Variants in ICOS observed in about 807,000 individuals in gnomAD.
The protein encoded by ICOS is inducible T cell costimulator, also known as inducible T-cell costimulator.
Under a neutral mutation model 24.6 loss-of-function variants are expected in ICOS, and 15 were observed. The ratio of observed to expected loss-of-function variants is 0.61; its 90% CI spans 0.41 to 0.94. The LOEUF is 0.94. Among genes scored for constraint, ICOS ranks in the 40% least tolerant of loss-of-function variants. ICOS has a pLI of 0.00. For synonymous variants in ICOS, 89 were observed against 77.5 expected, an observed-to-expected ratio of 1.15 and a Z score of -0.78; for missense variants, 200 against 233.0, an observed-to-expected ratio of 0.86 and a Z score of 0.92.
At chr2:203,957,947 A>ATTT (rs5837889) in intron 4 of ICOS, 64 bp downstream of exon 4, 33 of 784,838 alleles carry the variant, frequency 4.2e-5, no homozygotes, top group Non-Finnish European at 4.9e-5. Context: ...TGGAATGTTA[A>ATTT]TTTTTTTTTT....
intron 1 of ICOS, 70 bp downstream of exon 1, chr2:203,936,942 A>G: frequency 1.7e-6 from 2 of 1,196,770 alleles, no homozygotes; most frequent in Non-Finnish European, 2.5e-6. Flanking sequence ...GCAAAGGTAG[A>G]AAAATTACGC....
At chr2:203,957,704 T>A in intron 3 of ICOS, 95 bp from the exon 4 acceptor site, 1 of 909,462 alleles carries the variant, frequency 1.1e-6, no homozygotes, top group Non-Finnish European at 1.8e-6. Context: ...CATGTTTTTG[T>A]CACATACCAC....
At chr2:203,953,601 A>G (rs1363317627) in intron 1 of ICOS, among the ~76,000 whole-genome samples, 1 of 152,234 alleles carries the variant, frequency 6.6e-6, no homozygotes. Flanking sequence ...TAGTGTAAGT[A>G]GAGGTGTGAC....
chr2:203,957,966 TAAAGG>T (rs1690107955), intron 4 of ICOS, 83 bp downstream of exon 4: 1 of 843,806 alleles, frequency 1.2e-6, no homozygotes, highest in Non-Finnish European at 2.0e-6. Context: ...TTTTTAATTT[TAAAGG>T]AAAGGAAAAC....
chr2:203,952,148 C>T (rs931957959), intron 1 of ICOS, among the ~76,000 whole-genome samples: 1 of 151,504 alleles, frequency 6.6e-6, no homozygotes, highest in Non-Finnish European at 1.5e-5. Context: ...AGACTGTCAG[C>T]ACCCCTATTT....
At chr2:203,951,163 A>T (rs1289523349) in intron 1 of ICOS, among the ~76,000 whole-genome samples, 9 of 152,198 alleles carry the variant, frequency 5.9e-5, no homozygotes, top group Admixed American at 5.9e-4. Context: ...AAATTGAGGC[A>T]CGGCATTCCT....
intron 1 of ICOS, among the ~76,000 whole-genome samples, chr2:203,952,072 T>C (rs1434760575): frequency 6.6e-6 from 1 of 152,186 alleles, no homozygotes; most frequent in African/African-American, 2.4e-5. Context: ...AAAAAATGTA[T>C]AATTTAATGA....
Position 203,961,407 on chromosome 2 carries a change from A to G in ICOS, c.*1808A>G. 5.9e-6 allele frequency: 1 copy of G among 170,126 alleles called. No individual in the cohort carries two copies. The highest frequency in any genetic ancestry group is 1.3e-5 in the Non-Finnish European group (1 of 79,094). 10.5% of individuals were successfully genotyped at this position (170,126 alleles called of 1,614,324 possible). On this transcript the variant is annotated 3_prime_UTR_variant, in exon 5 of 5. Transcript: ENST00000316386. ...GGTGGCCCACCTGGCCTGGTTGTCC[A>G]AGCTGTGCCTCGACACATCCTCATC...
intron 1 of ICOS, among the ~76,000 whole-genome samples, chr2:203,938,521 A>G (rs1386566904): frequency 6.6e-6 from 1 of 152,230 alleles, no homozygotes; most frequent in Non-Finnish European, 1.5e-5. Context: ...AGTAGAGGCC[A>G]GACCATTCAG....
At chr2:203,950,283 C>T (rs575115661) in intron 1 of ICOS, among the ~76,000 whole-genome samples, 71 of 152,292 alleles carry the variant, frequency 4.7e-4, no homozygotes, top group Non-Finnish European at 8.4e-4. Context: ...AGGCCCAAGG[C>T]AGTACAGAGG....
intron 1 of ICOS, among the ~76,000 whole-genome samples, chr2:203,942,908 C>T (rs1471760625): frequency 2.0e-5 from 3 of 152,102 alleles, no homozygotes; most frequent in African/African-American, 7.2e-5. Context: ...TGTCTTCAAG[C>T]TCTGAATTTC....
chr2:203,952,678 A>AT (rs978943718), intron 1 of ICOS, among the ~76,000 whole-genome samples: 12 of 152,120 alleles, frequency 7.9e-5, no homozygotes, highest in African/African-American at 2.4e-4. Flanking sequence ...ATCTCAGTGC[A>AT]TTTTTTTGGC....
chr2:203,954,909 T>C (rs1321017806), intron 1 of ICOS, among the ~76,000 whole-genome samples: 1 of 149,754 alleles, frequency 6.7e-6, no homozygotes, highest in African/African-American at 2.4e-5. Flanking sequence ...AAAATATATA[T>C]ACAATTATTC....
Position 203,956,676 on chromosome 2 carries a change from C to T in ICOS, c.412C>T (p.Gln138Ter). ...LHIYESQLCC[Q>*]LKFWLPIGCA... ...CAATCCAGAATCACAACTTTGTTGC[C>T]AGCTGAAGTTCTGGTTACCCATAGG... is the stretch of plus-strand genomic sequence containing the variant. Residue 138 changes from glutamine to a stop codon, truncating the protein, a stop_gained, in exon 3 of 5, where the codon CAG becomes TAG. Coordinates refer to ENST00000316386, the MANE Select transcript of ICOS (RefSeq NM_012092.4). LOFTEE classifies it high-confidence loss of function. The T allele has an allele frequency of 6.2e-7, 1 of 1,612,980 alleles. No homozygotes were observed. The highest frequency in any genetic ancestry group is 1.7e-4 in the Middle Eastern group (1 of 6,054).
intron 1 of ICOS, among the ~76,000 whole-genome samples, chr2:203,939,990 T>C (rs546213394): frequency 1.4e-4 from 21 of 152,316 alleles, no homozygotes; most frequent in Middle Eastern, 6.8e-3. Flanking sequence ...CTTTTTCTCT[T>C]TTATTTTTGT....
intron 1 of ICOS, among the ~76,000 whole-genome samples, chr2:203,955,211 A>T (rs1256686596): frequency 6.6e-6 from 1 of 152,108 alleles, no homozygotes; most frequent in Admixed American, 6.6e-5. Flanking sequence ...CTGATTCTAT[A>T]ATCAAAATTA....
chr2:203,949,173 G>A (rs1476731423), intron 1 of ICOS, among the ~76,000 whole-genome samples: 1 of 152,230 alleles, frequency 6.6e-6, no homozygotes, highest in East Asian at 1.9e-4. Flanking sequence ...ACCAGTTGAA[G>A]CTGAGATGGA....
At chr2:203,952,080 T>C (rs145467911) in intron 1 of ICOS, among the ~76,000 whole-genome samples, 1 of 152,324 alleles carries the variant, frequency 6.6e-6, no homozygotes, top group East Asian at 1.9e-4. Flanking sequence ...TATAATTTAA[T>C]GAATAATGCT....
chr2:203,958,320 A>C (rs1160247835), intron 4 of ICOS, among the ~76,000 whole-genome samples: 1 of 152,236 alleles, frequency 6.6e-6, no homozygotes, highest in Non-Finnish European at 1.5e-5. Flanking sequence ...GATTAGGAAG[A>C]GAGATCTGTG....
Sources: gnomAD v4.1 joint callset for allele counts (sites outside exome capture counted in the v4.1 genomes callset) on GRCh38, gnomAD v4.1.1 for gene constraint, MANE v1.5 for transcripts, NCBI Gene and HGNC (gene_info 2026-07-23, HGNC 2026-07-21) for gene names.